The following BANK1 variants were observed in gnomAD, a reference collection of about 807,000 sequenced individuals.
The protein encoded by BANK1 is B cell scaffold protein with ankyrin repeats 1.
Under a neutral mutation model 94.5 loss-of-function variants are expected in BANK1, and 95 were observed. The observed-to-expected ratio is 1.00, with a 90% CI of 0.85 to 1.19. The LOEUF (loss-of-function observed/expected upper bound fraction) is 1.19, where lower values mean the gene tolerates loss of function less well. Ranked by LOEUF, BANK1 falls within the 50% of genes most tolerant of loss-of-function variation. The pLI is 0.00. For synonymous variants in BANK1, 334 were observed against 308.4 expected, an observed-to-expected ratio of 1.08 and a Z score of -0.87; for missense variants, 987 against 932.2, an observed-to-expected ratio of 1.06 and a Z score of -0.77.
intron 4 of BANK1, among the ~76,000 whole-genome samples, chr4:101,864,932 G>A (rs1330491629): frequency 6.6e-6 from 1 of 152,130 alleles, no homozygotes; most frequent in African/African-American, 2.4e-5. Context: ...TAAGGCAGAA[G>A]AGAGAAGGGA....
chr4:101,954,336 A>C (rs1411734539), intron 7 of BANK1, among the ~76,000 whole-genome samples: 1 of 152,114 alleles, frequency 6.6e-6, no homozygotes, highest in African/African-American at 2.4e-5. Context: ...TCAACTCACA[A>C]CATGTTGGTC....
Position 101,870,627 on chromosome 4 carries a change from GGAGA to G in BANK1, c.890_893del (p.Glu297ValfsTer58). 2 of 1,610,854 alleles carry G rather than the reference GGAGA, an allele frequency of 1.2e-6. No homozygotes were observed. Among genetic ancestry groups the G allele is most frequent in the Non-Finnish European group, 1.7e-6 (2 of 1,178,618 alleles). On this transcript the variant is annotated frameshift_variant, in exon 5 of 17. Transcript: ENST00000322953. LOFTEE classifies it high-confidence loss of function. ...ATGCCTATTCAGAATGGCAGATTCA[GGAGA>G]GAGTTTGTGCCAGGTAAGTTAATCT... is the stretch of plus-strand genomic sequence containing the variant.
intron 2 of BANK1, among the ~76,000 whole-genome samples, chr4:101,832,293 A>G (rs1375586211): frequency 1.3e-5 from 2 of 152,204 alleles, no homozygotes; most frequent in Non-Finnish European, 2.9e-5. Flanking sequence ...TATTTTTCCC[A>G]GGGACATGCT....
intron 5 of BANK1, among the ~76,000 whole-genome samples, chr4:101,884,788 C>A (rs1728789903): frequency 6.6e-6 from 1 of 152,160 alleles, no homozygotes; most frequent in African/African-American, 2.4e-5. Flanking sequence ...TTTAGTCCAT[C>A]GATTTTTCTT....
In BANK1 at chr4:101,830,153, C is replaced by G; in HGVS notation, c.416C>G (p.Thr139Ser). The G allele has an allele frequency of 6.2e-7, 1 of 1,604,312 alleles. No individual in the cohort carries two copies. The highest frequency in any genetic ancestry group is 8.5e-7 in the Non-Finnish European group (1 of 1,176,912). The change falls in exon 2 of 17, where the codon ACT becomes AGT. Residue 139 changes from threonine to serine, a missense_variant. By Grantham distance (58) the Thr-to-Ser change is moderately conservative. Coordinates refer to ENST00000322953, the MANE Select transcript of BANK1 (RefSeq NM_017935.5). ...TCTCAAAGCAGATGGGAGATCTCAA[C>G]TGAACAGGAACCTGAAGACTACATC... ...NISQSRWEIS[T>S]EQEPEDYISV...
Position 102,021,521 on chromosome 4 carries a change from A to G in BANK1, c.1214A>G (p.Glu405Gly). The change falls in exon 8 of 17, where the codon GAA becomes GGA. Residue 405 changes from glutamate (E) to glycine (G), a missense_variant. Transcript: ENST00000322953. ...KKIFEDFSIQ[E>G]IDINNEQEND... The stretch of plus-strand genomic sequence containing the variant: ...AAATTACATTTTTTTCAGATCCAAG[A>G]AATTGACATAAATAATGAGCAAGAA... 1 of 1,429,480 alleles carries G rather than the reference A, an allele frequency of 7.0e-7. No homozygotes were observed. 88.5% of individuals were successfully genotyped at this position (1,429,480 alleles called of 1,614,324 possible). A position where few individuals can be genotyped will look rare whatever the true frequency, so the allele number is the denominator to read the frequency against.
intron 7 of BANK1, among the ~76,000 whole-genome samples, chr4:101,958,978 G>A (rs571337766): frequency 6.6e-6 from 1 of 152,262 alleles, no homozygotes; most frequent in African/African-American, 2.4e-5. Flanking sequence ...AAAACTTGCG[G>A]ATGGTCCTGT....
chr4:101,816,990 T>C (rs4411998), intron 1 of BANK1, among the ~76,000 whole-genome samples: 67,735 of 151,828 alleles, frequency 0.45, 16,051 homozygotes, highest in African/African-American at 0.62. Flanking sequence ...TTGCCAGAAA[T>C]TTAATAAAGC....
chr4:101,879,200 C>A (rs1021826941), intron 5 of BANK1, among the ~76,000 whole-genome samples: 1 of 151,790 alleles, frequency 6.6e-6, no homozygotes, highest in African/African-American at 2.4e-5. Context: ...AATTGACAAA[C>A]CTTTAGCAAA....
chr4:101,884,855 A>G (rs1022227899), intron 5 of BANK1, among the ~76,000 whole-genome samples: 2 of 151,850 alleles, frequency 1.3e-5, no homozygotes, highest in Non-Finnish European at 2.9e-5. Flanking sequence ...GTTCTTGCAC[A>G]CCTCCTACTA....
chr4:101,802,432 A>C (rs754821498), intron 1 of BANK1, among the ~76,000 whole-genome samples: 9 of 152,250 alleles, frequency 5.9e-5, no homozygotes, highest in Non-Finnish European at 1.3e-4. Context: ...TCCATTAAGC[A>C]AATTTCTATT....
At chr4:101,854,394 CT>C (rs777579030) in intron 2 of BANK1, among the ~76,000 whole-genome samples, 2 of 152,066 alleles carry the variant, frequency 1.3e-5, no homozygotes, top group African/African-American at 2.4e-5. Flanking sequence ...AGATGCTATG[CT>C]GCTTCTTTGA....
At chr4:101,859,668 G>A in intron 3 of BANK1, among the ~76,000 whole-genome samples, 1 of 152,176 alleles carries the variant, frequency 6.6e-6, no homozygotes, top group East Asian at 1.9e-4. Context: ...ACTCCCGGGA[G>A]TTGAGGAAGC....
At chr4:101,876,453 G>A (rs958169526) in intron 5 of BANK1, among the ~76,000 whole-genome samples, 18 of 152,176 alleles carry the variant, frequency 1.2e-4, no homozygotes, top group Non-Finnish European at 2.1e-4. Flanking sequence ...AGACCATCAA[G>A]GCAGTACCTC....
At chr4:101,922,020 G>T (rs529117499) in intron 7 of BANK1, among the ~76,000 whole-genome samples, 2 of 147,572 alleles carry the variant, frequency 1.4e-5, no homozygotes, top group African/African-American at 5.1e-5. Flanking sequence ...GTGTGTGTGT[G>T]TGTGTGTGTG....
chr4:101,919,620 C>A (rs1344877110), intron 7 of BANK1, among the ~76,000 whole-genome samples: 1 of 151,824 alleles, frequency 6.6e-6, no homozygotes, highest in Non-Finnish European at 1.5e-5. Flanking sequence ...TTTTCGTAGT[C>A]GCTGCATTCT....
chr4:102,044,423 G>A (rs1727808910), intron 11 of BANK1, among the ~76,000 whole-genome samples: 1 of 151,902 alleles, frequency 6.6e-6, no homozygotes, highest in African/African-American at 2.4e-5. Flanking sequence ...TCTTAATCCA[G>A]TCTATCATTG....
chr4:101,900,454 G>A (rs1722240680), intron 6 of BANK1, among the ~76,000 whole-genome samples: 1 of 152,158 alleles, frequency 6.6e-6, no homozygotes, highest in African/African-American at 2.4e-5. Flanking sequence ...ATGATGGTGT[G>A]TAAAAATGAA....
rs1316110997 is a variant in BANK1 at position 102,060,275 on chromosome 4, A to G, written c.2034A>G (p.Glu678=). 1 of 1,609,780 alleles carries G rather than the reference A, an allele frequency of 6.2e-7. No individual in the cohort carries two copies. The highest frequency in any genetic ancestry group is 1.3e-5 in the African/African-American group (1 of 74,548). Residue 678 remains glutamate (E), a synonymous_variant, in exon 12 of 17, where the codon GAA becomes GAG. Coordinates refer to ENST00000322953, the MANE Select transcript of BANK1 (RefSeq NM_017935.5). The stretch of plus-strand genomic sequence containing the variant: ...GGGGCTGTCTAACTGATGGTCAGGA[A>G]GAACTCATCCTCCTGCAGGAGAAAG... ...TLRGCLTDGQ[E]ELILLQEKVK... is the part of the protein sequence containing the mutation.
Sources: allele counts gnomAD v4.1 joint callset (sites outside exome capture counted in the v4.1 genomes callset), GRCh38; gene constraint gnomAD v4.1.1; transcripts MANE v1.5; gene names NCBI Gene and HGNC (gene_info 2026-07-23, HGNC 2026-07-21).